MRPS10: variants seen among roughly 807,000 people sequenced by gnomAD.
MRPS10 encodes mitochondrial ribosomal protein S10, also known as small ribosomal subunit protein uS10m.
A neutral mutation model predicts 27.5 loss-of-function variants in MRPS10; 23 were observed. The ratio of observed to expected loss-of-function variants is 0.84; its 90% CI spans 0.60 to 1.18. MRPS10 has a LOEUF of 1.18. Among genes scored for constraint, MRPS10 ranks in the 50% most tolerant of loss-of-function variants. The pLI is 0.00. For missense variants in MRPS10, 237 were observed against 240.1 expected, an observed-to-expected ratio of 0.99 and a Z score of 0.09; for synonymous variants, 88 against 84.2, an observed-to-expected ratio of 1.04 and a Z score of -0.25.
At chr6:42,211,290 G>A (rs959223373) in intron 4 of MRPS10, among the ~76,000 whole-genome samples, 58 of 152,176 alleles carry the variant, frequency 3.8e-4, no homozygotes, top group Admixed American at 1.4e-3. Context: ...CCTGCTCCAT[G>A]GAGATCCCAG....
chr6:42,211,884 TATATA>T lies in MRPS10; in HGVS notation c.215_219del (p.Leu72Ter), dbSNP rs1237628559. 7 of 1,613,866 alleles carry T rather than the reference TATATA, an allele frequency of 4.3e-6. No homozygotes were observed. The highest frequency in any genetic ancestry group is 4.0e-5 in the African/African-American group (3 of 74,916). ...CCTTTCACCAAAACCGAGAGGCGCT[TATATA>T]ATATGTCTGGTTCATCAGAGATTGT... On this transcript the variant is annotated frameshift_variant, in exon 4 of 7. Transcript: ENST00000053468. LOFTEE classifies it high-confidence loss of function.
chr6:42,209,016 T>TGAGATGGAG, intron 5 of MRPS10, 69 bp from the exon 6 acceptor site: 1 of 1,072,084 alleles, frequency 9.3e-7, no homozygotes, highest in Non-Finnish European at 1.4e-6. Flanking sequence ...GTTTTTTTTT[T>TGAGATGGAG]TGAGATGGAG....
intron 3 of MRPS10, among the ~76,000 whole-genome samples, 153 bp from the exon 4 acceptor site, chr6:42,212,070 T>C (rs1768797140): frequency 6.6e-6 from 1 of 152,260 alleles, no homozygotes; most frequent in South Asian, 2.1e-4. Context: ...AGTGTCTAGA[T>C]ACTTTCATGT....
rs146453581 is a variant in MRPS10 at position 42,210,188 on chromosome 6, T to G, written c.432+300A>C. Among the ~76,000 whole-genome samples the G allele has an allele frequency of 4.9e-3, 740 of 152,358 alleles. 13 individuals carry two copies. The highest frequency in any genetic ancestry group is 0.017 in the African/African-American group (687 of 41,578). On this transcript the variant is annotated intron_variant, in intron 5 of 6. Coordinates refer to ENST00000053468, the MANE Select transcript of MRPS10 (RefSeq NM_018141.4). ...ATCCAGCTAGTATGTGAAACAGTTATTAGAACTGTGTAAAAACTTCACTAG... is the reference window on the plus strand; with the variant it reads ...ATCCAGCTAGTATGTGAAACAGTTAGTAGAACTGTGTAAAAACTTCACTAG...
intron 3 of MRPS10, 138 bp from the exon 4 acceptor site, chr6:42,212,055 G>C (rs906004782): frequency 3.8e-5 from 27 of 717,516 alleles, no homozygotes; most frequent in Non-Finnish European, 6.2e-5. Flanking sequence ...GGCAGTGTTA[G>C]CTGAAGTGTC....
At chr6:42,216,010 CTTTTTT>C (rs1263227238) in intron 1 of MRPS10, among the ~76,000 whole-genome samples, 1 of 129,142 alleles carries the variant, frequency 7.7e-6, no homozygotes, top group Non-Finnish European at 1.6e-5. Flanking sequence ...TTTTTCTTTT[CTTTTTT>C]TTTTCTTTTC....
chr6:42,210,653 A>G (rs1219375263), intron 4 of MRPS10, 57 bp from the exon 5 acceptor site: 6 of 1,575,702 alleles, frequency 3.8e-6, no homozygotes, highest in Non-Finnish European at 4.3e-6. Context: ...GCATAATTCC[A>G]TAATTTTGTA....
intron 5 of MRPS10, 136 bp from the exon 6 acceptor site, chr6:42,209,083 C>T: frequency 5.1e-6 from 3 of 582,944 alleles, no homozygotes; most frequent in South Asian, 2.1e-5. Context: ...GCAACCTCTG[C>T]CTCCTGGGTT....
chr6:42,208,727 G>T, intron 6 of MRPS10, 131 bp downstream of exon 6: 1 of 648,398 alleles, frequency 1.5e-6, no homozygotes, highest in Non-Finnish European at 2.7e-6. Context: ...TGGCAACTGT[G>T]TCTCCCAGTT....
chr6:42,214,223 G>C, intron 2 of MRPS10, 31 bp from the exon 3 acceptor site: 2 of 1,605,896 alleles, frequency 1.2e-6, no homozygotes, highest in Non-Finnish European at 1.7e-6. Flanking sequence ...AGAAACCTAA[G>C]TAAAATAGCA....
chr6:42,213,448 AAAAT>A (rs921279339), intron 3 of MRPS10, among the ~76,000 whole-genome samples: 9 of 152,276 alleles, frequency 5.9e-5, no homozygotes, highest in Non-Finnish European at 8.8e-5. Context: ...ACTCTGTCTC[AAAAT>A]AAATAAATAA....
intron 1 of MRPS10, among the ~76,000 whole-genome samples, chr6:42,216,413 T>TGTGTGTGTGTGTGTGTGTGG (rs371361467): frequency 2.3e-5 from 3 of 128,364 alleles, no homozygotes; most frequent in Admixed American, 8.1e-5. Flanking sequence ...TGTGTGTGTG[T>TGTGTGTGTGTGTGTGTGTGG]TGGGGGAGTG....
In MRPS10 at chr6:42,215,118, G is replaced by A. The variant is rs117332094; in HGVS notation, c.49-774C>T. Reference sequence around the variant, plus strand: ...GAAGATGAAAATAAGGCCAGGTGCCGTGGCTCACACCTGTAATCCCAGCAC... The same window carrying A: ...GAAGATGAAAATAAGGCCAGGTGCCATGGCTCACACCTGTAATCCCAGCAC... On this transcript the variant is annotated intron_variant, in intron 1 of 6. Coordinates refer to ENST00000053468, the MANE Select transcript of MRPS10 (RefSeq NM_018141.4). 1.8e-3 allele frequency among the ~76,000 whole-genome samples: 279 copies of A among 152,172 alleles called. 8 individuals carry two copies. The East Asian group carries it at 0.05, about 27-fold the overall frequency.
rs760096517 is a variant in MRPS10 at position 42,211,851 on chromosome 6, T to A, written c.253A>T (p.Lys85Ter). The change falls in exon 4 of 7, where the codon AAG (lysine) becomes TAG (stop). Residue 85 changes from lysine (K) to a stop codon, truncating the protein, a stop_gained. Coordinates refer to ENST00000053468, the MANE Select transcript of MRPS10 (RefSeq NM_018141.4). LOFTEE classifies it high-confidence loss of function. ...TATTCATAACTGTCCAATACAGCCT[T>A]ATCGTGACCTTTCACCAAAACCGAG... Reference protein sequence around the residue: ...RLSVLVKGHDKAVLDSYEYFA... With the variant: ...RLSVLVKGHD 4 of 1,613,894 alleles carry A rather than the reference T, an allele frequency of 2.5e-6. No individual in the cohort carries two copies. The African/African-American group carries it at 5.3e-5, about 22-fold the overall frequency.
chr6:42,217,264 C>T (rs1388294400), intron 1 of MRPS10, among the ~76,000 whole-genome samples: 1 of 152,146 alleles, frequency 6.6e-6, no homozygotes, highest in Admixed American at 6.5e-5. Flanking sequence ...GTCCTGAACT[C>T]CGAAAGTGTA....
At chr6:42,216,385 A>AGAGAGAGAGAGTGTGTGTGTGTGT in intron 1 of MRPS10, among the ~76,000 whole-genome samples, 19 of 58,700 alleles carry the variant, frequency 3.2e-4, no homozygotes, top group East Asian at 1.2e-3. Context: ...AGAGAGAGAG[A>AGAGAGAGAGAGTGTGTGTGTGTGT]GTGTGTGTGT....
At chr6:42,214,439 T>A (rs1768865170) in intron 1 of MRPS10, 95 bp from the exon 2 acceptor site, 3 of 987,390 alleles carry the variant, frequency 3.0e-6, no homozygotes, top group Admixed American at 5.0e-5. Flanking sequence ...ACCTCATTAT[T>A]TCAGACGAAG....
chr6:42,208,954 C>T lies in MRPS10; in HGVS notation c.433-7G>A, dbSNP rs577537892. 2 of 1,568,808 alleles carry T rather than the reference C, an allele frequency of 1.3e-6. No homozygotes were observed. Among genetic ancestry groups the T allele is most frequent in the Non-Finnish European group, 1.7e-6 (2 of 1,146,498 alleles). ...TTCCAGTTAGATGTTCTAACTAAAA[C>T]ATCAAACATGAAAATGTTTCATGTA... is the stretch of plus-strand genomic sequence containing the variant. On this transcript the variant is annotated splice_polypyrimidine_tract_variant and splice_region_variant and intron_variant, in intron 5 of 6. Transcript: ENST00000053468.
At position 42,210,500 on chromosome 6, in the gene MRPS10, G is replaced by A; in HGVS notation, c.420C>T (p.Tyr140=). Residue 140 remains tyrosine, a synonymous_variant, in exon 5 of 7, where the codon TAC becomes TAT. Coordinates refer to ENST00000053468, the MANE Select transcript of MRPS10 (RefSeq NM_018141.4). ...CAAATACACTCACCTCTAAACATCT[G>A]TAAAGTGTTCTCATTTCATACTGAA... ...HRVQYEMRTL[Y]RCLELEHLTG... The A allele has an allele frequency of 1.4e-6, 2 of 1,481,472 alleles. No homozygotes were observed. Among genetic ancestry groups the A allele is most frequent in the Non-Finnish European group, 1.8e-6 (2 of 1,095,720 alleles). The allele number at this position is 1,481,472 out of a possible 1,614,324, so 91.8% of individuals were successfully genotyped here. A position where few individuals can be genotyped will look rare whatever the true frequency, so the allele number is the denominator to read the frequency against.
Sources: allele counts gnomAD v4.1 joint callset (sites outside exome capture counted in the v4.1 genomes callset), GRCh38; gene constraint gnomAD v4.1.1; transcripts MANE v1.5; gene names NCBI Gene and HGNC (gene_info 2026-07-23, HGNC 2026-07-21).